The following C5 variants were observed in gnomAD, a reference collection of about 807,000 sequenced individuals.
C5 encodes the protein C3 and PZP-like alpha-2-macroglobulin domain-containing protein 4.
In C5, 140 loss-of-function variants were observed where a neutral mutation model predicts 218.8. That is an observed-to-expected ratio of 0.64 (90% confidence interval 0.56 to 0.74). C5 has a LOEUF of 0.74. Among genes scored for constraint, C5 ranks in the 30% least tolerant of loss-of-function variants. The pLI is 0.00. For synonymous variants in C5, 614 were observed against 682.3 expected (o/e 0.90, Z 1.56); for missense variants, 1,700 against 1,969.6 (o/e 0.86, Z 2.59).
intron 12 of C5, among the ~76,000 whole-genome samples, chr9:121,018,893 GA>G (rs2047340143): frequency 6.6e-6 from 1 of 151,874 alleles, no homozygotes; most frequent in South Asian, 2.1e-4. Context: ...TCAATAAGAG[GA>G]ATATTATTCT....
intron 23 of C5, among the ~76,000 whole-genome samples, chr9:120,990,198 T>C (rs2047066961): frequency 6.6e-6 from 1 of 152,234 alleles, no homozygotes; most frequent in Non-Finnish European, 1.5e-5. Flanking sequence ...CTTTCTTTTA[T>C]ATCCAACAGC....
chr9:120,959,042 C>T (rs531370317), intron 38 of C5, among the ~76,000 whole-genome samples: 1 of 152,204 alleles, frequency 6.6e-6, no homozygotes, highest in African/African-American at 2.4e-5. Flanking sequence ...CCTGCCTCAG[C>T]CTCCCAAAGT....
chr9:121,025,345 T>C (rs1229089935), intron 9 of C5, 109 bp downstream of exon 9: 5 of 1,195,610 alleles, frequency 4.2e-6, no homozygotes, highest in Non-Finnish European at 5.5e-6. Context: ...GAAAATACAA[T>C]GTGAAATAAT....
rs2047062999 is a variant in C5, at chr9:120,989,795, A to T, written c.2942-15T>A. ...TACAAGCAGTCCTGAAACAAAAAAG[A>T]TCAAAGTAGACACATTGCTTTTTAT... is the stretch of plus-strand genomic sequence containing the variant. On this transcript the variant is annotated splice_polypyrimidine_tract_variant and intron_variant, in intron 23 of 40. Transcript: ENST00000223642. 6.3e-7 allele frequency: 1 copy of T among 1,597,126 alleles called. No homozygotes were observed. Among genetic ancestry groups the T allele is most frequent in the Non-Finnish European group, 8.6e-7 (1 of 1,164,724 alleles).
At chr9:121,047,157 A>C (rs1198787474) in intron 1 of C5, among the ~76,000 whole-genome samples, 1 of 152,222 alleles carries the variant, frequency 6.6e-6, no homozygotes, top group African/African-American at 2.4e-5. Context: ...TTTTACAATA[A>C]GCCAATGATG....
At chr9:120,965,029 T>C (rs1214661621) in intron 33 of C5, among the ~76,000 whole-genome samples, 1 of 152,020 alleles carries the variant, frequency 6.6e-6, no homozygotes, top group Non-Finnish European at 1.5e-5. Context: ...CTCAAGATGC[T>C]TGAAAGGCAG....
At chr9:121,012,730 A>G (rs1032876559) in intron 17 of C5, among the ~76,000 whole-genome samples, 2 of 152,208 alleles carry the variant, frequency 1.3e-5, no homozygotes, top group African/African-American at 4.8e-5. Context: ...TACTTACACT[A>G]ATCTAGATGG....
chr9:121,044,769 A>G (rs897477043), intron 2 of C5, among the ~76,000 whole-genome samples: 2 of 152,186 alleles, frequency 1.3e-5, no homozygotes, highest in Non-Finnish European at 2.9e-5. Flanking sequence ...TTCTATATCT[A>G]TGCTGTTTAC....
At position 121,021,754 on chromosome 9, in the gene C5, T is replaced by C. The variant is rs1231240876; in HGVS notation, c.1117-60A>G. The stretch of plus-strand genomic sequence containing the variant: ...GCTCATCACTTATTTTAAAGCACAA[T>C]TCTGAAATAATTTTCCTTCCTCCCC... On this transcript the variant is annotated intron_variant, in intron 10 of 40. Coordinates refer to ENST00000223642, the MANE Select transcript of C5 (RefSeq NM_001735.3). 1.1e-5 allele frequency: 15 copies of C among 1,378,482 alleles called. No homozygotes were observed. In the East Asian group the frequency reaches 3.0e-4, roughly 27 times the overall value. 85.4% of individuals were successfully genotyped at this position (1,378,482 alleles called of 1,614,324 possible). A position where few individuals can be genotyped will look rare whatever the true frequency, so the allele number is the denominator to read the frequency against.
At chr9:121,011,970 T>C (rs1298700465) in intron 17 of C5, among the ~76,000 whole-genome samples, 1 of 151,152 alleles carries the variant, frequency 6.6e-6, no homozygotes, top group African/African-American at 2.5e-5. Flanking sequence ...CTGGGAAGGG[T>C]AGTAGGAGGA....
At chr9:121,022,660 A>T (rs1288304855) in intron 10 of C5, among the ~76,000 whole-genome samples, 1 of 150,010 alleles carries the variant, frequency 6.7e-6, no homozygotes, top group Non-Finnish European at 1.5e-5. Flanking sequence ...TTTGCTCTGG[A>T]TTTCTAAATT....
At chr9:121,067,816 T>C in the C5 span, among the ~76,000 whole-genome samples, 1 of 152,116 alleles carries the variant, frequency 6.6e-6, no homozygotes, top group Non-Finnish European at 1.5e-5. Flanking sequence ...TCAAAAGATG[T>C]GCCTTGCTTC....
Position 121,034,895 on chromosome 9 carries a change from C to T in C5, c.493-1G>A. The T allele has an allele frequency of 6.5e-7, 1 of 1,548,952 alleles. No homozygotes were observed. Among genetic ancestry groups the T allele is most frequent in the Non-Finnish European group, 8.9e-7 (1 of 1,124,948 alleles). On this transcript the variant is annotated splice_acceptor_variant, in intron 4 of 40. Coordinates refer to ENST00000223642, the MANE Select transcript of C5 (RefSeq NM_001735.3). LOFTEE classifies it high-confidence loss of function. ...TGTCAACTTCTGATCCTTCAGGATC[C>T]TGTAAATAAAAACAAACACCCTCAA...
At chr9:120,959,321 C>T (rs1007197409) in intron 38 of C5, among the ~76,000 whole-genome samples, 1 of 151,380 alleles carries the variant, frequency 6.6e-6, no homozygotes, top group Non-Finnish European at 1.5e-5. Context: ...CGCAGTAGCA[C>T]GATCTTGGCT....
At chr9:121,018,415 A>T (rs1587981803) in intron 12 of C5, among the ~76,000 whole-genome samples, 1 of 151,794 alleles carries the variant, frequency 6.6e-6, no homozygotes, top group Non-Finnish European at 1.5e-5. Flanking sequence ...CTCTACTAAA[A>T]ATAAAAAAAT....
chr9:120,974,695 A>G, intron 30 of C5, 84 bp downstream of exon 30: 1 of 1,248,442 alleles, frequency 8.0e-7, no homozygotes. Context: ...TAGTGAAGAG[A>G]TAGATTTATA....
chr9:121,033,491 A>C (rs951584896), intron 5 of C5, among the ~76,000 whole-genome samples: 2 of 152,262 alleles, frequency 1.3e-5, no homozygotes, highest in African/African-American at 4.8e-5. Context: ...TTCCAAGTAG[A>C]GGGGATGACA....
intron 27 of C5, 29 bp from the exon 28 acceptor site, chr9:120,980,283 C>T: frequency 6.2e-7 from 1 of 1,601,354 alleles, no homozygotes; most frequent in Middle Eastern, 1.7e-4. Context: ...ACTTCAGTTT[C>T]TATGTCAAGC....
chr9:121,015,137 T>C, intron 16 of C5, 62 bp downstream of exon 16: 1 of 1,033,190 alleles, frequency 9.7e-7, no homozygotes. Context: ...AACATTTAAT[T>C]TTGTCCAGTT....
Sources: allele counts gnomAD v4.1 joint callset (sites outside exome capture counted in the v4.1 genomes callset), GRCh38; gene constraint gnomAD v4.1.1; transcripts MANE v1.5; gene names NCBI Gene and HGNC (gene_info 2026-07-23, HGNC 2026-07-21).